Variants in RFTN1 observed in about 807,000 individuals in gnomAD.
RFTN1 encodes the protein raftlin, lipid raft linker 1.
RFTN1 carries 26 observed loss-of-function variants against 46.5 expected under a neutral mutation model. The ratio of observed to expected loss-of-function variants is 0.56; its 90% CI spans 0.41 to 0.78. The LOEUF is 0.78. Ranked by LOEUF, RFTN1 falls within the 30% of genes least tolerant of loss-of-function variation. The probability of loss-of-function intolerance (pLI) is 0.00; values close to 1 mark genes in which losing one functional copy is unlikely to be tolerated. For missense variants in RFTN1, 693 were observed against 718.7 expected (o/e 0.96, Z 0.41); for synonymous variants, 261 against 284.2 (o/e 0.92, Z 0.82).
chr3:16,386,884 C>T (rs942114801), intron 4 of RFTN1, among the ~76,000 whole-genome samples: 1 of 152,066 alleles, frequency 6.6e-6, no homozygotes, highest in Non-Finnish European at 1.5e-5. Flanking sequence ...GAGAAGTCCA[C>T]GGGAGACAAA....
rs111807925 is a variant in RFTN1 at position 16,441,736 on chromosome 3, C to T, written c.146-7699G>A. The stretch of plus-strand genomic sequence containing the variant: ...ACATCCGCTAATGGATCTGTCAATA[C>T]GAAGGAGTGCAACATGAGACAGACA... On this transcript the variant is annotated intron_variant, in intron 2 of 9. Transcript: ENST00000334133. Among the ~76,000 whole-genome samples, 725 of 152,320 alleles carry T rather than the reference C, an allele frequency of 4.8e-3. 4 individuals carry two copies. Among genetic ancestry groups the T allele is most frequent in the African/African-American group, 0.017 (691 of 41,580 alleles).
At chr3:16,471,502 G>A (rs1044093764) in intron 2 of RFTN1, among the ~76,000 whole-genome samples, 2 of 152,204 alleles carry the variant, frequency 1.3e-5, no homozygotes, top group African/African-American at 2.4e-5. Context: ...GCAACTTGGT[G>A]CACAGTCGAG....
chr3:16,357,917 C>T lies in RFTN1; in HGVS notation c.1146+15G>A. 6.5e-7 allele frequency: 1 copy of T among 1,532,558 alleles called. No individual in the cohort carries two copies. Among genetic ancestry groups the T allele is most frequent in the South Asian group, 1.1e-5 (1 of 88,700 alleles). The allele number at this position is 1,532,558 out of a possible 1,614,324, so 94.9% of individuals were successfully genotyped here. ...GTCTAAACAAAAGAAGCGGGGCTGC[C>T]AACCCCACACTTACTTCCAGGACTG... On this transcript the variant is annotated intron_variant, in intron 7 of 9. Transcript: ENST00000334133.
In RFTN1 at chr3:16,422,651, C is replaced by G. The variant is rs1428148211; in HGVS notation, c.332+11200G>C. ...TCTAAAAAAAAAAAAGAATAGTGCC[C>G]TACTGGATGTTAACATACATTACAA... is the stretch of plus-strand genomic sequence containing the variant. On this transcript the variant is annotated intron_variant, in intron 3 of 9. Coordinates refer to ENST00000334133, the MANE Select transcript of RFTN1 (RefSeq NM_015150.2). This position sits in a 1 kb window ranked among gnomAD's most constrained non-coding sequence, Gnocchi z 4.6. Among the ~76,000 whole-genome samples, 9 of 151,714 alleles carry G rather than the reference C, an allele frequency of 5.9e-5. No homozygotes were observed.
At chr3:16,493,638 T>G in intron 2 of RFTN1, 87 bp downstream of exon 2, 92 of 772,618 alleles carry the variant, frequency 1.2e-4, no homozygotes, top group East Asian at 6.2e-4. Flanking sequence ...CCCCACCCCA[T>G]CCAGCTCTCC....
Position 16,443,840 on chromosome 3 carries a change from T to C in RFTN1, c.146-9803A>G, listed in dbSNP as rs563750968. 1.6e-4 allele frequency among the ~76,000 whole-genome samples: 25 copies of C among 152,168 alleles called. No individual in the cohort carries two copies. In the South Asian group the frequency reaches 5.0e-3, roughly 30 times the overall value. ...ATTTGTAAGGAGACTGACTCAACAA[T>C]TTCCATTGACTGCATCCATTAATAA... On this transcript the variant is annotated intron_variant, in intron 2 of 9. Transcript: ENST00000334133. This position sits in a 1 kb window ranked among gnomAD's most constrained non-coding sequence, Gnocchi z 5.5.
Position 16,404,876 on chromosome 3 carries a change from C to A in RFTN1, c.441+4499G>T, listed in dbSNP as rs190969677. ...AGGCTCCATCATTTAGCAGTTCCAG[C>A]CCCTGGACAAAGCCCTCTGCCCCTT... is the stretch of plus-strand genomic sequence containing the variant. On this transcript the variant is annotated intron_variant, in intron 4 of 9. Transcript: ENST00000334133. 4.6e-5 allele frequency among the ~76,000 whole-genome samples: 7 copies of A among 152,216 alleles called. No individual in the cohort carries two copies. The East Asian group carries it at 1.4e-3, about 29-fold the overall frequency.
At position 16,322,451 on chromosome 3, in the gene RFTN1, C is replaced by T. The variant is rs1286903430; in HGVS notation, c.1332+925G>A. Among the ~76,000 whole-genome samples, 1 of 152,182 alleles carries T rather than the reference C, an allele frequency of 6.6e-6. No homozygotes were observed. The highest frequency in any genetic ancestry group is 1.5e-5 in the Non-Finnish European group (1 of 68,032). ...AAGCGTGAGGAATGCAGGAGTGATG[C>T]CAGGAGTGAGGAGCCGAGCAGGTCA... On this transcript the variant is annotated intron_variant, in intron 9 of 9. Transcript: ENST00000334133. This position sits in a 1 kb window ranked among gnomAD's most constrained non-coding sequence, Gnocchi z 6.2.
rs1353848894 is a variant in RFTN1, at chr3:16,500,582, CG to C, written c.-8-6706del. The stretch of plus-strand genomic sequence containing the variant: ...AAATAAAGTAATCAGAAGAAGGTTC[CG>C]AGACCCGAACTGCAAGAAGAAGATG... On this transcript the variant is annotated intron_variant, in intron 1 of 9. Transcript: ENST00000334133. The surrounding 1 kb of genome is among the most constrained non-coding windows in gnomAD (Gnocchi z 5.9). Among the ~76,000 whole-genome samples the C allele has an allele frequency of 6.6e-6, 1 of 152,014 alleles. No individual in the cohort carries two copies. The highest frequency in any genetic ancestry group is 1.5e-5 in the Non-Finnish European group (1 of 68,010).
At chr3:16,378,464 TA>T (rs908423790) in intron 4 of RFTN1, among the ~76,000 whole-genome samples, 85 of 152,320 alleles carry the variant, frequency 5.6e-4, no homozygotes, top group African/African-American at 1.9e-3. Flanking sequence ...ATTAAGAGTT[TA>T]GTTTTTTTTG....
intron 4 of RFTN1, among the ~76,000 whole-genome samples, chr3:16,379,237 G>A (rs62236296): frequency 2.0e-5 from 3 of 152,184 alleles, no homozygotes; most frequent in Admixed American, 1.3e-4. Context: ...AGCTCTCCTC[G>A]GAAGAACCAC....
At chr3:16,415,430 T>TATATATATATATATATACAC in intron 3 of RFTN1, among the ~76,000 whole-genome samples, 1 of 114,348 alleles carries the variant, frequency 8.7e-6, no homozygotes, top group African/African-American at 2.7e-5. Context: ...TATATATATA[T>TATATATATATATATATACAC]ACACACACAC....
chr3:16,357,501 G>A (rs1048235727), intron 7 of RFTN1, among the ~76,000 whole-genome samples: 3 of 152,162 alleles, frequency 2.0e-5, no homozygotes, highest in African/African-American at 7.2e-5. Context: ...TACTTAAAAG[G>A]CTTATTGTGC....
rs1354571585 is a variant in RFTN1 at position 16,466,293 on chromosome 3, G to A, written c.145+27432C>T. Among the ~76,000 whole-genome samples, 4 of 151,976 alleles carry A rather than the reference G, an allele frequency of 2.6e-5. No individual in the cohort carries two copies. Among genetic ancestry groups the A allele is most frequent in the Non-Finnish European group, 5.9e-5 (4 of 67,998 alleles). ...ACATGAGGACTGCATTCCTATTCAG[G>A]GATTTACGTGGGAAAAAAAGAAATC... On this transcript the variant is annotated intron_variant, in intron 2 of 9. Coordinates refer to ENST00000334133, the MANE Select transcript of RFTN1 (RefSeq NM_015150.2). This position sits in a 1 kb window ranked among gnomAD's most constrained non-coding sequence, Gnocchi z 5.6.
chr3:16,358,254 GAAT>G (rs2072589206), intron 6 of RFTN1, among the ~76,000 whole-genome samples: 1 of 152,096 alleles, frequency 6.6e-6, no homozygotes, highest in South Asian at 2.1e-4. Context: ...TCACAGTTTT[GAAT>G]AATATCCTTG....
chr3:16,453,333 T>C (rs2075851150), intron 2 of RFTN1, among the ~76,000 whole-genome samples: 1 of 152,232 alleles, frequency 6.6e-6, no homozygotes, highest in African/African-American at 2.4e-5. Flanking sequence ...TAAAGAGACA[T>C]AGCAGTACCA....
At chr3:16,417,064 G>A (rs1245764302) in intron 3 of RFTN1, among the ~76,000 whole-genome samples, 10 of 148,824 alleles carry the variant, frequency 6.7e-5, no homozygotes, top group South Asian at 2.1e-4. Flanking sequence ...GCTGAAGTGC[G>A]GTGGCATGAT....
Position 16,499,507 on chromosome 3 carries a change from C to T in RFTN1, c.-8-5630G>A, listed in dbSNP as rs2076676438. 6.6e-6 allele frequency among the ~76,000 whole-genome samples: 1 copy of T among 152,216 alleles called. No homozygotes were observed. ...CTTGCTGGCCATCTTGCCAGCAGGCCATGCTGGAAGTAGAGCTTCTGCCTC... is the reference window on the plus strand; with the variant it reads ...CTTGCTGGCCATCTTGCCAGCAGGCTATGCTGGAAGTAGAGCTTCTGCCTC... On this transcript the variant is annotated intron_variant, in intron 1 of 9. Coordinates refer to ENST00000334133, the MANE Select transcript of RFTN1 (RefSeq NM_015150.2). This position sits in a 1 kb window ranked among gnomAD's most constrained non-coding sequence, Gnocchi z 4.9.
chr3:16,326,836 G>A lies in RFTN1; in HGVS notation c.1187C>T (p.Ser396Leu), dbSNP rs776367773. The change falls in exon 8 of 10, where the codon TCG (serine) becomes TTG (leucine). Residue 396 changes from serine to leucine, a missense_variant. Physicochemically the swap from Ser to Leu is moderately radical, Grantham distance 145. Coordinates refer to ENST00000334133, the MANE Select transcript of RFTN1 (RefSeq NM_015150.2). ...GAGCTGCCAGCCATAGGCCGCCAGC[G>A]AGTTCAGCAGGGGCACGTAGTCTGT... is the stretch of plus-strand genomic sequence containing the variant. Reference protein sequence around the residue: ...VQTDYVPLLNSLAAYGWQLTC... With the variant: ...VQTDYVPLLNLLAAYGWQLTC... The A allele has an allele frequency of 2.4e-5, 39 of 1,614,036 alleles. No individual in the cohort carries two copies. In the East Asian group the frequency reaches 4.2e-4, roughly 18 times the overall value.
Sources: allele counts gnomAD v4.1 joint callset (sites outside exome capture counted in the v4.1 genomes callset), GRCh38; gene constraint gnomAD v4.1.1; non-coding constraint Gnocchi (gnomAD v3.1); transcripts MANE v1.5; gene names NCBI Gene and HGNC (gene_info 2026-07-23, HGNC 2026-07-21).